The following RBM19 variants were observed in gnomAD, a reference collection of about 807,000 sequenced individuals.
RBM19 encodes the protein RNA binding motif protein 19.
Under a neutral mutation model 116.8 loss-of-function variants are expected in RBM19, and 94 were observed. The ratio of observed to expected loss-of-function variants is 0.80; its 90% CI spans 0.68 to 0.95. The LOEUF (loss-of-function observed/expected upper bound fraction) is 0.95. Among genes scored for constraint, RBM19 ranks in the 40% least tolerant of loss-of-function variants. The pLI is 0.00. For missense variants in RBM19, 1,161 were observed against 1,220.7 expected, an observed-to-expected ratio of 0.95 and a Z score of 0.73; for synonymous variants, 475 against 494.1, an observed-to-expected ratio of 0.96 and a Z score of 0.51.
rs1874476394 is a variant in RBM19, at chr12:113,822,344, C to G, written c.*880G>C. On this transcript the variant is annotated 3_prime_UTR_variant, in exon 24 of 24. Transcript: ENST00000261741. ...CGTCTCAGGCTGGAGAAAATGTGAA[C>G]ACGGGCGCCTGAGAGAAGCCTGGGG... is the stretch of plus-strand genomic sequence containing the variant. 1 of 152,278 alleles carries G rather than the reference C, an allele frequency of 6.6e-6. No homozygotes were observed. Among genetic ancestry groups the G allele is most frequent in the Non-Finnish European group, 1.5e-5 (1 of 68,086 alleles). The allele number at this position is 152,278 out of a possible 1,614,324, so 9.4% of individuals were successfully genotyped here. A position where few individuals can be genotyped will look rare whatever the true frequency, so the allele number is the denominator to read the frequency against.
intron 21 of RBM19, among the ~76,000 whole-genome samples, chr12:113,870,498 C>T (rs1422680672): frequency 6.6e-6 from 1 of 152,184 alleles, no homozygotes; most frequent in African/African-American, 2.4e-5. Flanking sequence ...TCTGTTTTGA[C>T]TCCTCAACCT....
intron 4 of RBM19, 71 bp downstream of exon 4, chr12:113,959,794 C>G: frequency 6.8e-7 from 1 of 1,469,204 alleles, no homozygotes; most frequent in East Asian, 3.0e-5. Context: ...CAGCCTCTAC[C>G]CTCTCCAGTC....
intron 21 of RBM19, among the ~76,000 whole-genome samples, chr12:113,881,609 C>T (rs1880134411): frequency 6.6e-6 from 1 of 152,132 alleles, no homozygotes; most frequent in African/African-American, 2.4e-5. Flanking sequence ...TAATAAAAAC[C>T]CTGACGTGGC....
At chr12:113,889,609 C>T (rs1047434478) in intron 21 of RBM19, among the ~76,000 whole-genome samples, 7 of 152,004 alleles carry the variant, frequency 4.6e-5, no homozygotes, top group Admixed American at 1.3e-4. Context: ...GATCACCACA[C>T]ATCTGCTTTC....
chr12:113,884,517 G>A lies in RBM19; in HGVS notation c.2559-25621C>T, dbSNP rs948574207. On this transcript the variant is annotated intron_variant, in intron 21 of 23. Coordinates refer to ENST00000261741, the MANE Select transcript of RBM19 (RefSeq NM_016196.4). ...CTGACCATCCCATAATGCACAGAAC[G>A]GCCTCCCACCACAAATAATTATTCA... Among the ~76,000 whole-genome samples the A allele has an allele frequency of 6.6e-5, 10 of 152,134 alleles. No individual in the cohort carries two copies. In the East Asian group the frequency reaches 7.7e-4, roughly 12 times the overall value.
At chr12:113,938,575 T>C (rs1870281971) in intron 15 of RBM19, among the ~76,000 whole-genome samples, 1 of 152,238 alleles carries the variant, frequency 6.6e-6, no homozygotes, top group African/African-American at 2.4e-5. Flanking sequence ...AGGGTATGTC[T>C]ATATCTTGAA....
chr12:113,947,360 A>G lies in RBM19; in HGVS notation c.1381T>C (p.Ser461Pro), dbSNP rs1157659221. Reference protein sequence around the residue: ...MFPEHAVKAYSEVDGQVFQGR... With the variant: ...MFPEHAVKAYPEVDGQVFQGR... ...TGGAATACCTGCCCGTCCACCTCCG[A>G]GTAGGCCTTCACAGCGTGCTCAGGG... Residue 461 changes from serine to proline, a missense_variant, in exon 11 of 24, where the codon TCG (serine) becomes CCG (proline). Transcript: ENST00000261741. 2 of 1,605,822 alleles carry G rather than the reference A, an allele frequency of 1.2e-6. No individual in the cohort carries two copies. The highest frequency in any genetic ancestry group is 1.3e-5 in the African/African-American group (1 of 74,828).
At chr12:113,900,365 A>C (rs755704370) in intron 21 of RBM19, among the ~76,000 whole-genome samples, 13 of 152,176 alleles carry the variant, frequency 8.5e-5, no homozygotes, top group Non-Finnish European at 1.2e-4. Context: ...CTTATCAAAG[A>C]CGCTGGCCCC....
chr12:113,915,338 A>G (rs112814465), intron 20 of RBM19, among the ~76,000 whole-genome samples: 80 of 152,266 alleles, frequency 5.3e-4, no homozygotes, highest in African/African-American at 1.9e-3. Flanking sequence ...CTCCGGGGCC[A>G]CCAGGGACTT....
At chr12:113,849,450 T>G (rs1199182883) in intron 22 of RBM19, among the ~76,000 whole-genome samples, 1 of 152,268 alleles carries the variant, frequency 6.6e-6, no homozygotes, top group Admixed American at 6.5e-5. Flanking sequence ...TTCAAACCCC[T>G]GCACTTTATA....
At chr12:113,957,758 A>C in intron 6 of RBM19, 24 bp downstream of exon 6, 1 of 1,545,072 alleles carries the variant, frequency 6.5e-7, no homozygotes, top group Non-Finnish European at 8.7e-7. Flanking sequence ...CTCCTCCCTC[A>C]TCACCTGCGG....
In RBM19 at chr12:113,962,357, T is replaced by G; in HGVS notation, c.94A>C (p.Ser32Arg). Residue 32 changes from serine (S) to arginine (R), a missense_variant, in exon 2 of 24, where the codon AGC becomes CGC. Physicochemically the swap from Ser to Arg is moderately radical, Grantham distance 110. Coordinates refer to ENST00000261741, the MANE Select transcript of RBM19 (RefSeq NM_016196.4). ...TTGCCATCTTTGGTGAACTTCAGGC[T>G]GCAGTCTGTCAGCGTGCCGAAGGCG... The part of the protein sequence containing the change: ...FAAFGTLTDC[S>R]LKFTKDGKFR... The G allele has an allele frequency of 6.2e-7, 1 of 1,614,252 alleles. No individual in the cohort carries two copies. The highest frequency in any genetic ancestry group is 2.2e-5 in the East Asian group (1 of 44,880).
downstream of RBM19, among the ~76,000 whole-genome samples, chr12:113,821,686 G>A (rs1168239289): frequency 2.0e-5 from 3 of 152,200 alleles, no homozygotes; most frequent in African/African-American, 7.2e-5. Context: ...GGAGGCTAAG[G>A]TGGGAGGACC....
intron 22 of RBM19, among the ~76,000 whole-genome samples, chr12:113,854,292 C>T (rs1877703039): frequency 6.6e-6 from 1 of 152,182 alleles, no homozygotes; most frequent in Non-Finnish European, 1.5e-5. Flanking sequence ...TTTTTATCAA[C>T]TCAAAGATAT....
At chr12:113,905,993 C>G (rs1400194289) in intron 21 of RBM19, among the ~76,000 whole-genome samples, 1 of 152,122 alleles carries the variant, frequency 6.6e-6, no homozygotes, top group Admixed American at 6.5e-5. Flanking sequence ...ATGAGGCGCA[C>G]CAGAACACCA....
intron 21 of RBM19, among the ~76,000 whole-genome samples, chr12:113,869,237 C>G (rs10850231): frequency 3.3e-5 from 5 of 152,084 alleles, no homozygotes; most frequent in African/African-American, 1.2e-4. Flanking sequence ...GCAAAAGAGG[C>G]CAGATGTGAT....
At position 113,863,561 on chromosome 12, in the gene RBM19, C is replaced by T. The variant is rs1444232333; in HGVS notation, c.2559-4665G>A. ...ACCAAGTGGGGGTCAAACCTAGGGC[C>T]TTCTGCTCCCAGGACATAAGTCCCC... On this transcript the variant is annotated intron_variant, in intron 21 of 23. Transcript: ENST00000261741. Among the ~76,000 whole-genome samples, 6 of 152,178 alleles carry T rather than the reference C, an allele frequency of 3.9e-5. No individual in the cohort carries two copies. In the East Asian group the frequency reaches 1.2e-3, roughly 29 times the overall value.
At chr12:113,945,310 C>T (rs1307614441) in intron 13 of RBM19, among the ~76,000 whole-genome samples, 1 of 152,160 alleles carries the variant, frequency 6.6e-6, no homozygotes, top group Non-Finnish European at 1.5e-5. Context: ...AGGAACGGAA[C>T]CCAGCGACCC....
rs146920043 is a variant in RBM19, at chr12:113,894,303, T to C, written c.2558+20666A>G. Among the ~76,000 whole-genome samples the C allele has an allele frequency of 7.2e-5, 11 of 152,356 alleles. No individual in the cohort carries two copies. The East Asian group carries it at 2.1e-3, about 29-fold the overall frequency. ...TAACATTCAAAAAATAAGTTTGTGC[T>C]ATATTACTGAGTAAAACTGATGCTG... is the stretch of plus-strand genomic sequence containing the variant. On this transcript the variant is annotated intron_variant, in intron 21 of 23. Coordinates refer to ENST00000261741, the MANE Select transcript of RBM19 (RefSeq NM_016196.4).
Sources: allele counts gnomAD v4.1 joint callset (sites outside exome capture counted in the v4.1 genomes callset), GRCh38; gene constraint gnomAD v4.1.1; transcripts MANE v1.5; gene names NCBI Gene and HGNC (gene_info 2026-07-23, HGNC 2026-07-21).